The following ANKFN1 variants were observed in gnomAD, a reference collection of about 807,000 sequenced individuals.
ANKFN1 encodes ankyrin repeat and fibronectin type III domain containing 1.
Under a neutral mutation model 108.7 loss-of-function variants are expected in ANKFN1, and 74 were observed. The observed-to-expected ratio is 0.68, with a 90% CI of 0.56 to 0.83. ANKFN1 has a LOEUF of 0.83. Among genes scored for constraint, ANKFN1 ranks in the 40% least tolerant of loss-of-function variants. The pLI, the probability that ANKFN1 is intolerant of heterozygous loss-of-function variation, is 0.00. For synonymous variants in ANKFN1, 547 were observed against 516.2 expected, an observed-to-expected ratio of 1.06 and a Z score of -0.81; for missense variants, 1,505 against 1,382.3, an observed-to-expected ratio of 1.09 and a Z score of -1.41.
At chr17:56,282,907 CT>C (rs34412334) in intron 3 of ANKFN1, among the ~76,000 whole-genome samples, 1 of 152,074 alleles carries the variant, frequency 6.6e-6, no homozygotes, top group Non-Finnish European at 1.5e-5. Flanking sequence ...AAATCACATC[CT>C]TTTTTCCCCT....
At chr17:56,502,686 T>C (rs768829529) in intron 20 of ANKFN1, among the ~76,000 whole-genome samples, 3 of 152,210 alleles carry the variant, frequency 2.0e-5, no homozygotes, top group Non-Finnish European at 2.9e-5. Context: ...AAGGGGGAAA[T>C]GCAATTTAGA....
chr17:56,230,257 C>T (rs1380780492), intron 3 of ANKFN1, among the ~76,000 whole-genome samples: 1 of 152,018 alleles, frequency 6.6e-6, no homozygotes, highest in Non-Finnish European at 1.5e-5. Flanking sequence ...GAGCAAAAAT[C>T]AAAAGGCTAA....
chr17:56,361,077 T>G (rs2046503727), intron 6 of ANKFN1, among the ~76,000 whole-genome samples: 1 of 152,218 alleles, frequency 6.6e-6, no homozygotes, highest in Admixed American at 6.5e-5. Flanking sequence ...TTAAGTGAGA[T>G]CATCCATTAT....
intron 3 of ANKFN1, among the ~76,000 whole-genome samples, chr17:56,289,778 C>T (rs905890526): frequency 1.8e-4 from 27 of 152,296 alleles, no homozygotes; most frequent in African/African-American, 5.5e-4. Flanking sequence ...GAGTTCAAAA[C>T]GTCTTAAGTG....
Position 56,482,361 on chromosome 17 carries a change from G to A in ANKFN1, c.2097G>A (p.Arg699=), listed in dbSNP as rs1193047298. 1.3e-6 allele frequency: 2 copies of A among 1,599,546 alleles called. No individual in the cohort carries two copies. The highest frequency in any genetic ancestry group is 3.4e-5 in the Admixed American group (2 of 58,236). The change falls in exon 18 of 21, where the codon AGG becomes AGA. Residue 699 remains arginine (R), a synonymous_variant. Coordinates refer to ENST00000682825, the MANE Select transcript of ANKFN1 (RefSeq NM_001370326.1). ...QQINIPLHQA[R]NFRLYTQEVL... is the part of the protein sequence containing the mutation. ...CCGCGCGTGTCCCTCTGCAGGCAAG[G>A]AACTTCCGCCTCTACACACAGGAGG...
chr17:56,259,441 G>A (rs2043446022), intron 3 of ANKFN1, among the ~76,000 whole-genome samples: 1 of 152,082 alleles, frequency 6.6e-6, no homozygotes, highest in Non-Finnish European at 1.5e-5. Flanking sequence ...TACTACTAGG[G>A]CAAAGTGGTG....
chr17:56,388,917 C>A (rs1567965295), intron 8 of ANKFN1, among the ~76,000 whole-genome samples: 1 of 151,374 alleles, frequency 6.6e-6, no homozygotes, highest in Non-Finnish European at 1.5e-5. Context: ...ACAGCAAATG[C>A]TGGCAAGGAT....
At chr17:56,495,429 C>T (rs1444794350) in intron 19 of ANKFN1, among the ~76,000 whole-genome samples, 1 of 152,130 alleles carries the variant, frequency 6.6e-6, no homozygotes, top group Non-Finnish European at 1.5e-5. Context: ...ACACCATAAC[C>T]TGCAGAAGTG....
At chr17:56,397,432 A>T (rs528630285) in intron 8 of ANKFN1, among the ~76,000 whole-genome samples, 28 of 152,240 alleles carry the variant, frequency 1.8e-4, no homozygotes, top group Non-Finnish European at 3.2e-4. Context: ...TGCCAAAGGA[A>T]GGATTTAGTC....
intron 4 of ANKFN1, among the ~76,000 whole-genome samples, chr17:56,048,965 CTT>C (rs1420952109): frequency 6.6e-6 from 1 of 152,174 alleles, no homozygotes; most frequent in African/African-American, 2.4e-5. Flanking sequence ...AATAACATGT[CTT>C]ATAGTTTCCA....
chr17:56,366,688 C>G (rs1368419244), intron 6 of ANKFN1, among the ~76,000 whole-genome samples: 1 of 152,186 alleles, frequency 6.6e-6, no homozygotes, highest in Non-Finnish European at 1.5e-5. Flanking sequence ...GTAGTCAGTA[C>G]AGCAACATGC....
At chr17:56,429,627 G>A (rs1430326636) in intron 8 of ANKFN1, among the ~76,000 whole-genome samples, 1 of 152,214 alleles carries the variant, frequency 6.6e-6, no homozygotes, top group Non-Finnish European at 1.5e-5. Context: ...TGTAGACTAT[G>A]TTGAGGAGTT....
chr17:56,414,435 CAT>C (rs1167997534), intron 8 of ANKFN1, among the ~76,000 whole-genome samples: 1 of 152,094 alleles, frequency 6.6e-6, no homozygotes, highest in Non-Finnish European at 1.5e-5. Flanking sequence ...GACAAAGACA[CAT>C]CAAGAAAAGG....
chr17:56,087,451 A>G (rs2143182449), intron 4 of ANKFN1, among the ~76,000 whole-genome samples: 1 of 150,980 alleles, frequency 6.6e-6, no homozygotes, highest in Non-Finnish European at 1.5e-5. Flanking sequence ...TCTACTCAGC[A>G]CTCTCTAAAA....
intron 8 of ANKFN1, among the ~76,000 whole-genome samples, chr17:56,437,928 C>T (rs2048977916): frequency 6.6e-6 from 1 of 150,442 alleles, no homozygotes; most frequent in Admixed American, 6.6e-5. Context: ...AGAAGATTCA[C>T]ATGAAAGAAA....
intron 4 of ANKFN1, among the ~76,000 whole-genome samples, chr17:56,118,598 A>C (rs561940903): frequency 6.6e-6 from 1 of 152,260 alleles, no homozygotes; most frequent in African/African-American, 2.4e-5. Flanking sequence ...GTCACTGTTC[A>C]AGTATGTTAC....
At chr17:56,116,678 T>G (rs1906300169) in intron 4 of ANKFN1, among the ~76,000 whole-genome samples, 1 of 152,180 alleles carries the variant, frequency 6.6e-6, no homozygotes, top group Non-Finnish European at 1.5e-5. Context: ...GTTGGCGCCA[T>G]GCTTCTTGTA....
At chr17:56,188,579 GTGTATATA>G (rs1380137754) in intron 1 of ANKFN1, among the ~76,000 whole-genome samples, 13 of 71,398 alleles carry the variant, frequency 1.8e-4, no homozygotes, top group African/African-American at 6.8e-4. Flanking sequence ...GTGTGTGTGT[GTGTATATA>G]TATATATATA....
rs559827867 is a variant in ANKFN1, at chr17:56,378,889, G to T, written c.910+4175G>T. Among the ~76,000 whole-genome samples, 40 of 152,248 alleles carry T rather than the reference G, an allele frequency of 2.6e-4. No individual in the cohort carries two copies. The South Asian group carries it at 3.1e-3, about 12-fold the overall frequency. On this transcript the variant is annotated intron_variant, in intron 8 of 20. Coordinates refer to ENST00000682825, the MANE Select transcript of ANKFN1 (RefSeq NM_001370326.1). The stretch of plus-strand genomic sequence containing the variant: ...CAAGACTCACTTCTAAGCTACTAAG[G>T]CTTCTACATCCTTACTCATCCTACT...
Sources: allele counts gnomAD v4.1 joint callset (sites outside exome capture counted in the v4.1 genomes callset), GRCh38; gene constraint gnomAD v4.1.1; transcripts MANE v1.5; gene names NCBI Gene and HGNC (gene_info 2026-07-23, HGNC 2026-07-21).